Variants in KCNK2 observed in about 807,000 individuals in gnomAD.
KCNK2 encodes the protein potassium channel subfamily K member 2.
KCNK2 carries 21 observed loss-of-function variants against 40.5 expected under a neutral mutation model. That is an observed-to-expected ratio of 0.52 (90% confidence interval 0.37 to 0.75). The LOEUF is 0.75. KCNK2 is among the 30% of genes least tolerant of loss of function. The pLI, the probability that KCNK2 is intolerant of heterozygous loss-of-function variation, is 0.00. For missense variants in KCNK2, 399 were observed against 531.6 expected, an observed-to-expected ratio of 0.75 and a Z score of 2.45; for synonymous variants, 191 against 202.2, an observed-to-expected ratio of 0.94 and a Z score of 0.47.
chr1:215,112,139 A>G (rs1448248647), intron 2 of KCNK2, among the ~76,000 whole-genome samples: 3 of 152,012 alleles, frequency 2.0e-5, no homozygotes. Context: ...GCTGGACAAG[A>G]CAGGCACCAG....
intron 2 of KCNK2, among the ~76,000 whole-genome samples, chr1:215,093,639 A>G (rs1343355970): frequency 1.0e-5 from 1 of 98,656 alleles, no homozygotes; most frequent in Non-Finnish European, 1.7e-5. Flanking sequence ...TATATATACA[A>G]TATATAATAT....
At position 215,141,377 on chromosome 1, in the gene KCNK2, C is replaced by G. The variant is rs543592288; in HGVS notation, c.475+16627C>G. Among the ~76,000 whole-genome samples the G allele has an allele frequency of 5.9e-5, 9 of 152,144 alleles. No individual in the cohort carries two copies. In the South Asian group the frequency reaches 1.2e-3, roughly 21 times the overall value. On this transcript the variant is annotated intron_variant, in intron 3 of 6. Transcript: ENST00000444842. The stretch of plus-strand genomic sequence containing the variant: ...CAGTAGATTTTCTATATCAGCATCA[C>G]CACAAACGTGGGTAATATGTTGTTC...
At chr1:215,066,923 GATATA>G (rs971139022) in intron 1 of KCNK2, among the ~76,000 whole-genome samples, 33 of 152,212 alleles carry the variant, frequency 2.2e-4, no homozygotes, top group Admixed American at 2.2e-3. Flanking sequence ...AAATTCATAT[GATATA>G]ATTTTTGTAA....
At position 215,169,305 on chromosome 1, in the gene KCNK2, T is replaced by C; in HGVS notation, c.582T>C (p.Asp194=). ...LFGFLLAGVG[D]QLGTIFGKGI... is the part of the protein sequence containing the mutation. ...GTTTTCTCTTGGCTGGAGTTGGAGA[T>C]CAGCTAGGCACCATATTTGGAAAAG... Residue 194 remains aspartate, a synonymous_variant, in exon 4 of 7, where the codon GAT becomes GAC. Transcript: ENST00000444842. 1 of 1,613,332 alleles carries C rather than the reference T, an allele frequency of 6.2e-7. No homozygotes were observed. The highest frequency in any genetic ancestry group is 8.5e-7 in the Non-Finnish European group (1 of 1,179,560).
intron 1 of KCNK2, among the ~76,000 whole-genome samples, chr1:215,068,905 T>C (rs898897533): frequency 6.6e-6 from 1 of 152,224 alleles, no homozygotes; most frequent in Non-Finnish European, 1.5e-5. Context: ...ACAAAAGTTT[T>C]ACTTTAACTG....
intron 2 of KCNK2, among the ~76,000 whole-genome samples, chr1:215,123,365 C>CT (rs1297848858): frequency 6.6e-6 from 1 of 150,742 alleles, no homozygotes; most frequent in Non-Finnish European, 1.5e-5. Context: ...ATTATGGGTA[C>CT]TTTTTATTAT....
chr1:215,191,283 C>CAAA (rs34924845), intron 5 of KCNK2, among the ~76,000 whole-genome samples: 1 of 139,142 alleles, frequency 7.2e-6, no homozygotes, highest in African/African-American at 2.7e-5. Context: ...GGCTGCATCT[C>CAAA]AAAAAAAAAA....
intron 1 of KCNK2, among the ~76,000 whole-genome samples, chr1:215,040,377 T>C (rs1394066669): frequency 6.6e-6 from 1 of 152,208 alleles, no homozygotes; most frequent in South Asian, 2.1e-4. Flanking sequence ...GTCACACTCC[T>C]AGTTCAATGG....
intron 2 of KCNK2, among the ~76,000 whole-genome samples, chr1:215,097,551 T>C (rs1164933959): frequency 6.6e-6 from 1 of 152,040 alleles, no homozygotes; most frequent in East Asian, 1.9e-4. Flanking sequence ...TGTCCTCTGC[T>C]ACCTTTGTGA....
intron 3 of KCNK2, among the ~76,000 whole-genome samples, chr1:215,142,517 A>G (rs1662229213): frequency 6.6e-6 from 1 of 152,146 alleles, no homozygotes; most frequent in Non-Finnish European, 1.5e-5. Context: ...AATGAGAGGA[A>G]CAATTTTAAT....
chr1:215,050,689 T>A (rs991638794), intron 1 of KCNK2, among the ~76,000 whole-genome samples: 1 of 152,170 alleles, frequency 6.6e-6, no homozygotes, highest in Non-Finnish European at 1.5e-5. Flanking sequence ...ATGAGAACTG[T>A]CAATAACCAA....
chr1:215,036,342 C>T (rs1657384616), intron 1 of KCNK2, among the ~76,000 whole-genome samples: 1 of 151,854 alleles, frequency 6.6e-6, no homozygotes, highest in East Asian at 1.9e-4. Context: ...TGAAACCAGT[C>T]ATCTATCTAT....
At chr1:215,215,882 G>C (rs181629014) in intron 6 of KCNK2, among the ~76,000 whole-genome samples, 231 of 152,236 alleles carry the variant, frequency 1.5e-3, no homozygotes, top group African/African-American at 5.3e-3. Flanking sequence ...TGCCAGCTTT[G>C]CCTTCCTGTC....
At chr1:215,169,123 A>G in intron 3 of KCNK2, 76 bp from the exon 4 acceptor site, 1 of 1,187,592 alleles carries the variant, frequency 8.4e-7, no homozygotes, top group Non-Finnish European at 1.2e-6. Flanking sequence ...AATTTTTTGG[A>G]GTTTCTGAAT....
chr1:215,142,273 T>G (rs1273743575), intron 3 of KCNK2, among the ~76,000 whole-genome samples: 1 of 152,142 alleles, frequency 6.6e-6, no homozygotes, highest in African/African-American at 2.4e-5. Context: ...TTCTGGGTCC[T>G]GCAGTATACT....
intron 6 of KCNK2, among the ~76,000 whole-genome samples, chr1:215,208,990 G>T (rs1268051882): frequency 6.6e-6 from 1 of 151,418 alleles, no homozygotes; most frequent in African/African-American, 2.4e-5. Flanking sequence ...ACCACGCCCA[G>T]CTAATTTTTG....
intron 2 of KCNK2, among the ~76,000 whole-genome samples, chr1:215,092,997 G>T (rs1305758838): frequency 6.6e-6 from 1 of 152,190 alleles, no homozygotes; most frequent in African/African-American, 2.4e-5. Flanking sequence ...AAGTGGAGAT[G>T]TTAAGTAGGA....
chr1:215,125,739 AATAT>A (rs66622204), intron 3 of KCNK2, among the ~76,000 whole-genome samples: 2,154 of 123,702 alleles, frequency 0.017, 33 homozygotes, highest in African/African-American at 0.028. Flanking sequence ...AAGTATAATA[AATAT>A]ATATATATAT....
chr1:215,232,896 G>C (rs1246365150), intron 6 of KCNK2, among the ~76,000 whole-genome samples: 1 of 152,110 alleles, frequency 6.6e-6, no homozygotes, highest in Non-Finnish European at 1.5e-5. Flanking sequence ...ACATGACTTA[G>C]GTAAAAAATA....
Sources: allele counts gnomAD v4.1 joint callset (sites outside exome capture counted in the v4.1 genomes callset), GRCh38; gene constraint gnomAD v4.1.1; transcripts MANE v1.5; gene names NCBI Gene and HGNC (gene_info 2026-07-23, HGNC 2026-07-21).